Variants in HOXD3 observed in about 807,000 individuals in gnomAD.
HOXD3 encodes the protein homeobox D3.
A neutral mutation model predicts 32.8 loss-of-function variants in HOXD3; 13 were observed. The ratio of observed to expected loss-of-function variants is 0.40; its 90% CI spans 0.26 to 0.63. The LOEUF (loss-of-function observed/expected upper bound fraction) is 0.63. Ranked by LOEUF, HOXD3 falls within the 20% of genes least tolerant of loss-of-function variation. The probability of loss-of-function intolerance (pLI) is 0.44; values close to 1 mark genes in which losing one functional copy is unlikely to be tolerated. For synonymous variants in HOXD3, 241 were observed against 246.8 expected (o/e 0.98, Z 0.22); for missense variants, 504 against 577.1 (o/e 0.87, Z 1.30).
rs756448504 is a variant in HOXD3 at position 176,169,531 on chromosome 2, T to C, written c.417T>C (p.Pro139=). The change falls in exon 3 of 4, where the codon CCT becomes CCC. Residue 139 remains proline (P), a synonymous_variant. Coordinates refer to ENST00000683222, the MANE Select transcript of HOXD3 (RefSeq NM_006898.5). Reference sequence around the variant, plus strand: ...CCACCAATCCTGGAGGTGGAGTGCCTGCCAAGAAGCCCAAAGGTGGGCCCA... The same window carrying C: ...CCACCAATCCTGGAGGTGGAGTGCCCGCCAAGAAGCCCAAAGGTGGGCCCA... ...SSPTNPGGGV[P]AKKPKGGPNA... 6.2e-7 allele frequency: 1 copy of C among 1,614,018 alleles called. No individual in the cohort carries two copies.
chr2:176,153,097 C>G (rs1690578078), upstream of HOXD3: 1 of 401,112 alleles, frequency 2.5e-6, no homozygotes, highest in Middle Eastern at 7.7e-4. Flanking sequence ...GCATCCTGCC[C>G]GAGGGCAGCC....
At chr2:176,155,083 C>T (rs1690617490), upstream of HOXD3, among the ~76,000 whole-genome samples, 1 of 152,088 alleles carries the variant, frequency 6.6e-6, no homozygotes, top group Non-Finnish European at 1.5e-5. Flanking sequence ...TTCTTTTTTC[C>T]TCTCTAACAT....
rs1691217693 is a variant in HOXD3, at chr2:176,172,161, C to T, written c.1186C>T (p.Pro396Ser). 1 of 1,613,104 alleles carries T rather than the reference C, an allele frequency of 6.2e-7. No homozygotes were observed. Among genetic ancestry groups the T allele is most frequent in the African/African-American group, 1.3e-5 (1 of 74,942 alleles). Residue 396 changes from proline to serine, a missense_variant, in exon 4 of 4, where the codon CCA becomes TCA. By Grantham distance (74) the Pro-to-Ser change is moderately conservative. Around this residue, in one of 3 missense-constraint regions of HOXD3, gnomAD observed 226 missense variants for 246.9 expected, o/e 0.92. Transcript: ENST00000683222. ...SVDYSCAAQI[P>S]GNHHHGPCDP... ...GGACTACAGTTGCGCCGCGCAGATT[C>T]CAGGCAACCACCACCATGGACCTTG...
chr2:176,157,783 T>C (rs1574976723), intron 1 of HOXD3, among the ~76,000 whole-genome samples: 1 of 152,022 alleles, frequency 6.6e-6, no homozygotes, highest in East Asian at 1.9e-4. Context: ...AGGGGCGAGG[T>C]GCACGCGGGC....
At position 176,169,066 on chromosome 2, in the gene HOXD3, A is replaced by G; in HGVS notation, c.-49A>G. 6.5e-7 allele frequency: 1 copy of G among 1,547,108 alleles called. No homozygotes were observed. On this transcript the variant is annotated 5_prime_UTR_variant, in exon 3 of 4. Transcript: ENST00000683222. The stretch of plus-strand genomic sequence containing the variant: ...GCCTGGGGGCCGGCCCAGCTCTCTC[A>G]GGATTCAGCAGACATTGGAGGTGGC...
At chr2:176,157,816 T>C (rs1690681006) in intron 1 of HOXD3, among the ~76,000 whole-genome samples, 1 of 151,960 alleles carries the variant, frequency 6.6e-6, no homozygotes, top group Non-Finnish European at 1.5e-5. Context: ...ACAGGAGTTG[T>C]AAAAAACCGG....
chr2:176,164,313 T>C (rs1370703396), intron 2 of HOXD3, 145 bp downstream of exon 2: 2 of 152,210 alleles, frequency 1.3e-5, no homozygotes, highest in African/African-American at 4.8e-5. Context: ...ACCCGTTACA[T>C]GAAAACCGAT....
At chr2:176,167,976 G>A (rs1691034783) in intron 2 of HOXD3, among the ~76,000 whole-genome samples, 1 of 152,144 alleles carries the variant, frequency 6.6e-6, no homozygotes, top group Non-Finnish European at 1.5e-5. Context: ...CCACACAGAA[G>A]AAAGGCTAAA....
chr2:176,164,449 A>T (rs1690899201), intron 2 of HOXD3: 1 of 152,244 alleles, frequency 6.6e-6, no homozygotes, highest in African/African-American at 2.4e-5. Context: ...AGGTCTTCTT[A>T]TAGAGCAAAA....
Position 176,171,853 on chromosome 2 carries a change from C to T in HOXD3, c.878C>T (p.Ala293Val). The T allele has an allele frequency of 6.2e-7, 1 of 1,602,912 alleles. No individual in the cohort carries two copies. Residue 293 changes from alanine to valine, a missense_variant, in exon 4 of 4, where the codon GCC becomes GTC. Transcript: ENST00000683222. ...CAGCTGCCGCCAGTGCCCGGCCTGGCCTACGACGCGCCCTCGCCGCCTGCT... is the reference window on the plus strand; with the variant it reads ...CAGCTGCCGCCAGTGCCCGGCCTGGTCTACGACGCGCCCTCGCCGCCTGCT... ...SGQLPPVPGLAYDAPSPPAFA... is the reference protein window; with the variant it reads ...SGQLPPVPGLVYDAPSPPAFA...
chr2:176,156,997 C>A (rs1287305107), upstream of HOXD3, among the ~76,000 whole-genome samples: 1 of 152,134 alleles, frequency 6.6e-6, no homozygotes, highest in Admixed American at 6.5e-5. Context: ...ACATCAATAC[C>A]GTTGTGTGTA....
intron 1 of HOXD3, among the ~76,000 whole-genome samples, chr2:176,163,344 G>T (rs1293327335): frequency 1.3e-5 from 2 of 151,782 alleles, no homozygotes; most frequent in Admixed American, 6.6e-5. Flanking sequence ...TTCACCTGAC[G>T]GGGGGTGGTC....
At chr2:176,171,380 A>G in intron 3 of HOXD3, 137 bp from the exon 4 acceptor site, 1 of 783,178 alleles carries the variant, frequency 1.3e-6, no homozygotes, top group Non-Finnish European at 2.0e-6. Flanking sequence ...TACCTCTCAA[A>G]CGGCCCTTCC....
chr2:176,172,537 A>G lies in HOXD3; in HGVS notation c.*263A>G, dbSNP rs143449156. The G allele has an allele frequency of 1.5e-4, 73 of 487,608 alleles. No individual in the cohort carries two copies. The highest frequency in any genetic ancestry group is 9.1e-4 in the Admixed American group (24 of 26,326). The allele number at this position is 487,608 out of a possible 1,614,324, so 30.2% of individuals were successfully genotyped here. On this transcript the variant is annotated 3_prime_UTR_variant, in exon 4 of 4. Transcript: ENST00000683222. The stretch of plus-strand genomic sequence containing the variant: ...AGTGCCACATACTGCGGACCAAGGG[A>G]CTCCAATCTGGTAATGGTGTCCCAA...
chr2:176,166,328 A>C (rs1690969932), intron 2 of HOXD3, among the ~76,000 whole-genome samples: 1 of 152,228 alleles, frequency 6.6e-6, no homozygotes, highest in African/African-American at 2.4e-5. Context: ...TGACTGGTTC[A>C]CCTATCTAGA....
At chr2:176,165,981 C>T (rs556933521) in intron 2 of HOXD3, among the ~76,000 whole-genome samples, 1 of 152,080 alleles carries the variant, frequency 6.6e-6, no homozygotes, top group Non-Finnish European at 1.5e-5. Flanking sequence ...AGTTTTGTAA[C>T]TATATTCTCA....
rs534116394 is a variant in HOXD3 at position 176,157,321 on chromosome 2, T to C, written c.-312T>C. On this transcript the variant is annotated 5_prime_UTR_variant, in exon 1 of 4. Coordinates refer to ENST00000683222, the MANE Select transcript of HOXD3 (RefSeq NM_006898.5). ...TTAAGAAACACGGAGTCGTCATTAATCTGCCACGCAAAGGGCTCTCTCCGA... is the reference window on the plus strand; with the variant it reads ...TTAAGAAACACGGAGTCGTCATTAACCTGCCACGCAAAGGGCTCTCTCCGA... 1.3e-5 allele frequency among the ~76,000 whole-genome samples: 2 copies of C among 152,260 alleles called. No individual in the cohort carries two copies. The highest frequency in any genetic ancestry group is 3.9e-4 in the East Asian group (2 of 5,158).
At chr2:176,162,581 G>A (rs1221508557) in intron 1 of HOXD3, among the ~76,000 whole-genome samples, 1 of 152,172 alleles carries the variant, frequency 6.6e-6, no homozygotes, top group African/African-American at 2.4e-5. Context: ...ATGGTGGGTG[G>A]GCAGGGTAGG....
At chr2:176,155,011 T>C (rs1690615982), upstream of HOXD3, among the ~76,000 whole-genome samples, 1 of 152,228 alleles carries the variant, frequency 6.6e-6, no homozygotes, top group African/African-American at 2.4e-5. Flanking sequence ...TGATTAGCTG[T>C]ATTTCAGCCG....
Sources: gnomAD v4.1 joint callset for allele counts (sites outside exome capture counted in the v4.1 genomes callset) on GRCh38, gnomAD v4.1.1 for gene constraint, gnomAD v4.1.1 regional missense constraint, MANE v1.5 for transcripts, NCBI Gene and HGNC (gene_info 2026-07-23, HGNC 2026-07-21) for gene names.